The following HS6ST2 variants were observed in gnomAD, a reference collection of about 807,000 sequenced individuals.
HS6ST2 encodes heparan-sulfate 6-O-sulfotransferase 2.
Under a neutral mutation model 33.0 loss-of-function variants are expected in HS6ST2, and 17 were observed. The observed-to-expected ratio is 0.52, with a 90% CI of 0.35 to 0.77. The LOEUF (loss-of-function observed/expected upper bound fraction) is 0.77, where lower values mean the gene tolerates loss of function less well. Ranked by LOEUF, HS6ST2 falls within the 30% of genes least tolerant of loss-of-function variation. The pLI, the probability that HS6ST2 is intolerant of heterozygous loss-of-function variation, is 0.01. For synonymous variants in HS6ST2, 248 were observed against 237.1 expected (o/e 1.05, Z -0.42); for missense variants, 519 against 551.7 (o/e 0.94, Z 0.59).
At chrX:132,957,387 C>T (rs1042393564) in intron 1 of HS6ST2, 61 bp from the exon 2 acceptor site, 3 of 1,070,003 alleles carry the variant, frequency 2.8e-6, no homozygotes, top group Admixed American at 6.7e-5. Flanking sequence ...CGTCGTGCCC[C>T]CGCACCGCCC....
intron 2 of HS6ST2, among the ~76,000 whole-genome samples, chrX:132,795,364 T>C (rs2065166349): frequency 9.0e-6 from 1 of 111,681 alleles, no homozygotes; most frequent in African/African-American, 3.3e-5. Flanking sequence ...GCATTCTTCT[T>C]ACCATTCTTT....
At position 132,628,185 on chromosome X, in the gene HS6ST2, C is replaced by T; in HGVS notation, c.*38G>A. ...TTAAGCTATGCCATCTTTTCAGTGG[C>T]GCTTTGGGAGAAGTATGTACAGGCC... On this transcript the variant is annotated 3_prime_UTR_variant, in exon 5 of 5. Coordinates refer to ENST00000370833, the MANE Select transcript of HS6ST2 (RefSeq NM_001394073.1). The T allele has an allele frequency of 1.0e-6, 1 of 953,745 alleles. No homozygotes were observed. Among genetic ancestry groups the T allele is most frequent in the Non-Finnish European group, 1.4e-6 (1 of 699,402 alleles). 78.6% of individuals were successfully genotyped at this position (953,745 alleles called of 1,213,427 possible).
At chrX:132,749,291 C>A (rs1483110166) in intron 2 of HS6ST2, among the ~76,000 whole-genome samples, 4 of 112,674 alleles carry the variant, frequency 3.6e-5, no homozygotes, top group African/African-American at 9.7e-5. Context: ...AATATTGGAA[C>A]AATTAGCCTT....
intron 4 of HS6ST2, among the ~76,000 whole-genome samples, chrX:132,650,619 T>C (rs1401222254): frequency 9.0e-6 from 1 of 110,730 alleles, no homozygotes; most frequent in Non-Finnish European, 1.9e-5. Flanking sequence ...TCTTGGCCTC[T>C]TTTTCTTTCC....
chrX:132,846,366 T>G (rs1208371628), intron 2 of HS6ST2, among the ~76,000 whole-genome samples: 1 of 112,557 alleles, frequency 8.9e-6, no homozygotes, highest in Non-Finnish European at 1.9e-5. Flanking sequence ...AGTAGGACCC[T>G]TATACCAAGC....
chrX:132,930,140 C>CGTT (rs765421634), intron 2 of HS6ST2, among the ~76,000 whole-genome samples: 18 of 109,021 alleles, frequency 1.7e-4, no homozygotes, highest in East Asian at 8.8e-4. Context: ...TTGCTTTTTT[C>CGTT]GTTGTTGTTG....
intron 4 of HS6ST2, among the ~76,000 whole-genome samples, chrX:132,646,763 C>T (rs991354525): frequency 4.5e-5 from 5 of 110,498 alleles, no homozygotes; most frequent in Admixed American, 2.9e-4. Context: ...AAGACATACC[C>T]GAGACTGGGT....
chrX:132,821,854 G>A (rs1285307164), intron 2 of HS6ST2, among the ~76,000 whole-genome samples: 1 of 110,554 alleles, frequency 9.0e-6, no homozygotes, highest in Non-Finnish European at 1.9e-5. Flanking sequence ...AGCTGAGAGT[G>A]GTGGCATGCG....
chrX:132,830,889 C>T (rs1421945979), intron 2 of HS6ST2, among the ~76,000 whole-genome samples: 5 of 111,648 alleles, frequency 4.5e-5, no homozygotes, highest in African/African-American at 9.8e-5. Context: ...TGCCTTTTAC[C>T]GCCAGTGAAT....
chrX:132,666,671 A>G (rs2063812602), intron 4 of HS6ST2, among the ~76,000 whole-genome samples: 1 of 111,660 alleles, frequency 9.0e-6, no homozygotes, highest in African/African-American at 3.3e-5. Context: ...GCCATGATGC[A>G]TATTTGGGGC....
intron 2 of HS6ST2, among the ~76,000 whole-genome samples, chrX:132,751,538 CAG>C (rs748153139): frequency 8.9e-6 from 1 of 111,967 alleles, no homozygotes; most frequent in African/African-American, 3.2e-5. Context: ...AATTTACAGA[CAG>C]GGGAGGAAGG....
Position 132,931,836 on chromosome X carries a change from C to G in HS6ST2, c.947+24972G>C, listed in dbSNP as rs181175259. ...TAACATTAGATAACCAGAAAAAGAA[C>G]CAGCAAAGAAGAGCCCTTTTGGGGT... On this transcript the variant is annotated intron_variant, in intron 2 of 4. Transcript: ENST00000370833. 3.3e-3 allele frequency among the ~76,000 whole-genome samples: 366 copies of G among 111,507 alleles called. 2 individuals carry two copies. The highest frequency in any genetic ancestry group is 0.011 in the African/African-American group (346 of 30,738).
At chrX:132,737,610 C>T (rs1213395413) in intron 2 of HS6ST2, among the ~76,000 whole-genome samples, 1 of 112,211 alleles carries the variant, frequency 8.9e-6, no homozygotes, top group Non-Finnish European at 1.9e-5. Flanking sequence ...GCTTAAATAC[C>T]AGTTTGACTA....
At chrX:132,703,201 G>A (rs1233511697) in intron 3 of HS6ST2, among the ~76,000 whole-genome samples, 1 of 112,043 alleles carries the variant, frequency 8.9e-6, no homozygotes, top group African/African-American at 3.2e-5. Flanking sequence ...CAGGAGCTCT[G>A]GGCATCCAAG....
intron 2 of HS6ST2, among the ~76,000 whole-genome samples, chrX:132,767,164 G>A (rs1458322677): frequency 1.8e-5 from 2 of 112,633 alleles, no homozygotes; most frequent in Admixed American, 9.4e-5. Context: ...CAAGATGACT[G>A]AGACCTTCCA....
chrX:132,697,056 T>G (rs2064109718), intron 3 of HS6ST2, among the ~76,000 whole-genome samples: 1 of 112,368 alleles, frequency 8.9e-6, no homozygotes, highest in African/African-American at 3.2e-5. Context: ...ATCTATTACA[T>G]GTCATATACA....
intron 2 of HS6ST2, among the ~76,000 whole-genome samples, chrX:132,825,142 A>G (rs920123029): frequency 3.6e-5 from 4 of 111,689 alleles, no homozygotes; most frequent in African/African-American, 1.3e-4. Flanking sequence ...CTCTGGGCAA[A>G]GTCCTTTCCT....
intron 2 of HS6ST2, among the ~76,000 whole-genome samples, chrX:132,897,749 G>A (rs1230109392): frequency 9.0e-6 from 1 of 111,249 alleles, no homozygotes; most frequent in South Asian, 3.9e-4. Context: ...ACCTCCCTCC[G>A]CCCTCTTCCA....
intron 2 of HS6ST2, among the ~76,000 whole-genome samples, chrX:132,939,162 C>T (rs188683541): frequency 5.1e-4 from 57 of 111,680 alleles, no homozygotes; most frequent in African/African-American, 1.8e-3. Context: ...CCAAACACCT[C>T]CCACCAGGCC....
Sources: allele counts gnomAD v4.1 joint callset (sites outside exome capture counted in the v4.1 genomes callset), GRCh38; gene constraint gnomAD v4.1.1; transcripts MANE v1.5; gene names NCBI Gene and HGNC (gene_info 2026-07-23, HGNC 2026-07-21).